Variants in FRY observed in about 807,000 individuals in gnomAD.
FRY encodes the protein FRY microtubule binding protein.
Under a neutral mutation model 348.4 loss-of-function variants are expected in FRY, and 128 were observed. The ratio of observed to expected loss-of-function variants is 0.37; its 90% CI spans 0.32 to 0.43. FRY has a LOEUF of 0.43. FRY is among the 20% of genes least tolerant of loss of function. The pLI is 1.00. For synonymous variants in FRY, 1,370 were observed against 1,374.7 expected (o/e 1.00, Z 0.08); for missense variants, 2,736 against 3,695.2 (o/e 0.74, Z 6.73).
chr13:32,166,465 T>A (rs1019550431), intron 17 of FRY, among the ~76,000 whole-genome samples: 2 of 152,224 alleles, frequency 1.3e-5, no homozygotes, highest in Non-Finnish European at 2.9e-5. Flanking sequence ...TCTACGCTAC[T>A]TTCCTGAGTA....
intron 1 of FRY, among the ~76,000 whole-genome samples, chr13:32,068,096 A>G (rs999644601): frequency 6.6e-6 from 1 of 152,156 alleles, no homozygotes. Context: ...GTGATGTGCT[A>G]AAGACTGAGC....
intron 41 of FRY, among the ~76,000 whole-genome samples, chr13:32,233,135 G>C (rs1886010979): frequency 1.3e-5 from 2 of 152,166 alleles, no homozygotes; most frequent in African/African-American, 4.8e-5. Flanking sequence ...TTACTACCCT[G>C]AATGTGTCTG....
chr13:32,178,795 T>C (rs770217747), intron 21 of FRY, 49 bp from the exon 22 acceptor site: 2 of 1,248,586 alleles, frequency 1.6e-6, no homozygotes, highest in Admixed American at 3.4e-5. Flanking sequence ...AAGTGATATT[T>C]AAAATCCAGA....
Position 32,175,601 on chromosome 13 carries a change from A to G in FRY, c.2390A>G (p.Glu797Gly), listed in dbSNP as rs1372253863. ...VMDQLSSSIL[E>G]SFIHVAVSDS... ...GATCAGCTAAGTTCTTCCATTCTAG[A>G]AAGTTTTATTCATGTAGCAGTTTCG... The change falls in exon 20 of 61, where the codon GAA becomes GGA. Residue 797 changes from glutamate (E) to glycine (G), a missense_variant. Transcript: ENST00000542859. 1 of 1,610,482 alleles carries G rather than the reference A, an allele frequency of 6.2e-7. No homozygotes were observed. The highest frequency in any genetic ancestry group is 8.5e-7 in the Non-Finnish European group (1 of 1,176,684).
chr13:32,276,364 C>T lies in FRY; in HGVS notation c.8287-100C>T. On this transcript the variant is annotated intron_variant, in intron 56 of 60. Transcript: ENST00000542859. ...TTATTAAAATGGATGACACTTGTAC[C>T]CCTTAACAGCACTTCTAAATATACT... 4 of 761,482 alleles carry T rather than the reference C, an allele frequency of 5.3e-6. No individual in the cohort carries two copies. The South Asian group carries it at 5.6e-5, about 11-fold the overall frequency. The allele number at this position is 761,482 out of a possible 1,614,324, so 47.2% of individuals were successfully genotyped here. A position where few individuals can be genotyped will look rare whatever the true frequency, so the allele number is the denominator to read the frequency against.
rs1297846985 is a variant in FRY, at chr13:32,298,127, G to A, written c.*2667G>A. On this transcript the variant is annotated 3_prime_UTR_variant, in exon 61 of 61. Transcript: ENST00000542859. Reference sequence around the variant, plus strand: ...ATGTTACTGTGAAATAAAGATGCCTGTAATTAATTGTAGGCATCACACACA... The same window carrying A: ...ATGTTACTGTGAAATAAAGATGCCTATAATTAATTGTAGGCATCACACACA... The A allele has an allele frequency of 6.6e-6, 1 of 152,218 alleles. No individual in the cohort carries two copies. Among genetic ancestry groups the A allele is most frequent in the Non-Finnish European group, 1.5e-5 (1 of 68,030 alleles). The allele number at this position is 152,218 out of a possible 1,614,324, so 9.4% of individuals were successfully genotyped here. A position where few individuals can be genotyped will look rare whatever the true frequency, so the allele number is the denominator to read the frequency against.
intron 2 of FRY, among the ~76,000 whole-genome samples, chr13:32,090,879 T>A (rs1485062678): frequency 6.6e-6 from 1 of 152,044 alleles, no homozygotes; most frequent in Non-Finnish European, 1.5e-5. Context: ...TCCACTGAAA[T>A]GAGCAAAACC....
In FRY at chr13:32,210,919, A is replaced by G. The variant is rs765272050; in HGVS notation, c.4476A>G (p.Glu1492=). ...GTAACAACACCATTCAAACCATGGA[A>G]GAGCTTCTCTTTGAGCTGCAGCAGA... is the stretch of plus-strand genomic sequence containing the variant. ...LCRNNTIQTM[E]ELLFELQQTE... Residue 1492 remains glutamate (E), a synonymous_variant, in exon 34 of 61, where the codon GAA becomes GAG. Coordinates refer to ENST00000542859, the MANE Select transcript of FRY (RefSeq NM_023037.3). The G allele has an allele frequency of 6.2e-7, 1 of 1,613,970 alleles. No individual in the cohort carries two copies. Among genetic ancestry groups the G allele is most frequent in the Non-Finnish European group, 8.5e-7 (1 of 1,179,836 alleles).
At chr13:32,258,731 G>C (rs578028933) in intron 51 of FRY, among the ~76,000 whole-genome samples, 17 of 151,784 alleles carry the variant, frequency 1.1e-4, no homozygotes, top group Non-Finnish European at 2.2e-4. Context: ...GTAGTGACTA[G>C]ATAACTTTTC....
chr13:32,108,965 A>T (rs1259901544), intron 3 of FRY, among the ~76,000 whole-genome samples: 1 of 152,174 alleles, frequency 6.6e-6, no homozygotes, highest in African/African-American at 2.4e-5. Context: ...ATGGGGCTGT[A>T]TGCATACCAG....
intron 29 of FRY, among the ~76,000 whole-genome samples, chr13:32,197,229 G>A (rs375639978): frequency 2.0e-5 from 3 of 152,044 alleles, no homozygotes; most frequent in African/African-American, 7.2e-5. Context: ...TGTTGGCATT[G>A]TTTGTATGTT....
chr13:32,263,281 A>G (rs895499294), intron 53 of FRY, among the ~76,000 whole-genome samples: 1 of 152,236 alleles, frequency 6.6e-6, no homozygotes, highest in Non-Finnish European at 1.5e-5. Context: ...AAATTTCATA[A>G]AAGTATATTC....
At chr13:32,144,168 A>G (rs930342798) in intron 11 of FRY, among the ~76,000 whole-genome samples, 1 of 151,488 alleles carries the variant, frequency 6.6e-6, no homozygotes, top group Non-Finnish European at 1.5e-5. Flanking sequence ...TAACTAAAAC[A>G]TTTGACAAAT....
chr13:32,298,938 C>T lies in FRY; in HGVS notation c.*3478C>T, dbSNP rs995329364. ...TGAATGTTTGCGGGCAGGGTAGTGA[C>T]ATGCTGTGACTTATGTTTAAAAGGA... On this transcript the variant is annotated 3_prime_UTR_variant, in exon 61 of 61. Transcript: ENST00000542859. The T allele has an allele frequency of 6.6e-6, 1 of 152,184 alleles. No homozygotes were observed. Among genetic ancestry groups the T allele is most frequent in the Non-Finnish European group, 1.5e-5 (1 of 68,036 alleles). The allele number at this position is 152,184 out of a possible 1,614,324, so 9.4% of individuals were successfully genotyped here.
chr13:32,045,600 A>G (rs1454216123), intron 1 of FRY, among the ~76,000 whole-genome samples: 1 of 152,212 alleles, frequency 6.6e-6, no homozygotes, highest in Non-Finnish European at 1.5e-5. Flanking sequence ...GTGATCATCT[A>G]AATTAATTTC....
intron 8 of FRY, among the ~76,000 whole-genome samples, chr13:32,134,392 A>G (rs1470838989): frequency 6.6e-6 from 1 of 152,238 alleles, no homozygotes; most frequent in Admixed American, 6.5e-5. Context: ...TAGGTGAATA[A>G]TAAACACACC....
At chr13:32,139,832 A>C (rs897119824) in intron 11 of FRY, among the ~76,000 whole-genome samples, 6 of 152,140 alleles carry the variant, frequency 3.9e-5, no homozygotes, top group African/African-American at 1.4e-4. Context: ...CATTCCCTTC[A>C]CATCTGCCAT....
intron 28 of FRY, among the ~76,000 whole-genome samples, chr13:32,190,262 A>G (rs1883260767): frequency 6.6e-6 from 1 of 152,038 alleles, no homozygotes. Flanking sequence ...TCTGAGATTA[A>G]AATGGCCAAG....
chr13:32,144,556 A>C (rs1388200043), intron 11 of FRY, among the ~76,000 whole-genome samples: 1 of 152,124 alleles, frequency 6.6e-6, no homozygotes, highest in African/African-American at 2.4e-5. Context: ...AACAGTTTAA[A>C]GATAAACTTT....
Sources: gnomAD v4.1 joint callset for allele counts (sites outside exome capture counted in the v4.1 genomes callset) on GRCh38, gnomAD v4.1.1 for gene constraint, MANE v1.5 for transcripts, NCBI Gene and HGNC (gene_info 2026-07-23, HGNC 2026-07-21) for gene names.